Variants in MTOR observed in about 807,000 individuals in gnomAD.
The protein encoded by MTOR is serine/threonine-protein kinase mTOR.
A neutral mutation model predicts 319.8 loss-of-function variants in MTOR; 70 were observed. The ratio of observed to expected loss-of-function variants is 0.22; its 90% CI spans 0.18 to 0.27. The LOEUF is 0.27. MTOR is among the 10% of genes least tolerant of loss of function. The pLI is 1.00. For synonymous variants in MTOR, 1,183 were observed against 1,211.4 expected (o/e 0.98, Z 0.49); for missense variants, 1,890 against 3,274.4 (o/e 0.58, Z 10.32).
intron 6 of MTOR, among the ~76,000 whole-genome samples, chr1:11,252,882 C>A (rs905622414): frequency 6.6e-6 from 1 of 152,336 alleles, no homozygotes; most frequent in African/African-American, 2.4e-5. Context: ...GTAATAGCTT[C>A]GTCTGGCAGC....
rs1553171141 is a variant in MTOR at position 11,114,380 on chromosome 1, C to T, written c.7238G>A (p.Ser2413Asn). Reference sequence around the variant, plus strand: ...AAAGGCTTCCAGCACGGCCATGACACTGTCCTTGTGCTCTCGCAGCACCTC... The same window carrying T: ...AAAGGCTTCCAGCACGGCCATGACATTGTCCTTGTGCTCTCGCAGCACCTC... ...VMEVLREHKD[S>N]VMAVLEAFVY... Residue 2413 changes from serine (S) to asparagine (N), a missense_variant, in exon 53 of 58, where the codon AGT (serine) becomes AAT (asparagine). Physicochemically the swap from Ser to Asn is conservative, Grantham distance 46 (BLOSUM62 1). This residue lies in a region of MTOR where 23 missense variants were observed against 81.7 expected (regional missense o/e 0.28). Transcript: ENST00000361445. The T allele has an allele frequency of 6.2e-7, 1 of 1,614,192 alleles. No individual in the cohort carries two copies. The highest frequency in any genetic ancestry group is 8.5e-7 in the Non-Finnish European group (1 of 1,180,026).
chr1:11,197,230 C>T (rs534777565), intron 28 of MTOR, among the ~76,000 whole-genome samples: 1 of 152,262 alleles, frequency 6.6e-6, no homozygotes, highest in South Asian at 2.1e-4. Flanking sequence ...TGGGAAAAGA[C>T]CCCTGAGAAG....
At chr1:11,196,310 G>A (rs1645781722) in intron 28 of MTOR, among the ~76,000 whole-genome samples, 1 of 152,160 alleles carries the variant, frequency 6.6e-6, no homozygotes, top group Non-Finnish European at 1.5e-5. Context: ...TGGTGTGTGT[G>A]CGCTTTCTAA....
rs2100901511 is a variant in MTOR at position 11,238,538 on chromosome 1, A to C, written c.1866T>G (p.Ala622=). The C allele has an allele frequency of 6.2e-7, 1 of 1,614,222 alleles. No individual in the cohort carries two copies. The highest frequency in any genetic ancestry group is 1.3e-5 in the African/African-American group (1 of 75,064). Residue 622 remains alanine (A), a synonymous_variant, in exon 12 of 58, where the codon GCT becomes GCG. Coordinates refer to ENST00000361445, the MANE Select transcript of MTOR (RefSeq NM_004958.4). ...TGAGCAGGCGGGAGCAGGTGCGGGC[A>C]GCCTCCATGCGGATCTCCTTGTGCT... ...NSEHKEIRME[A]ARTCSRLLTP... is the part of the protein sequence containing the mutation.
intron 29 of MTOR, among the ~76,000 whole-genome samples, chr1:11,161,916 G>C (rs149156753): frequency 0.019 from 2,874 of 152,268 alleles, 93 homozygotes; most frequent in Admixed American, 0.068. Flanking sequence ...TGCCAGCAAC[G>C]GAACAAAGCT....
chr1:11,150,059 C>T, intron 31 of MTOR, 67 bp downstream of exon 31: 1 of 1,438,698 alleles, frequency 7.0e-7, no homozygotes, highest in Middle Eastern at 2.4e-4. Flanking sequence ...GCACCTTACT[C>T]TTCTGATGCG....
chr1:11,145,635 C>T (rs1293474556), intron 32 of MTOR, among the ~76,000 whole-genome samples: 1 of 151,658 alleles, frequency 6.6e-6, no homozygotes, highest in African/African-American at 2.4e-5. Flanking sequence ...AGCTGGGATG[C>T]TGGGGTTACA....
rs1192975604 is a variant in MTOR at position 11,130,644 on chromosome 1, G to A, written c.5498C>T (p.Thr1833Ile). ...ANITNATTAA[T>I]TAATATTTAS... Reference sequence around the variant, plus strand: ...AGTGGTGGTGGCAGTGGCGGCCGTGGTGGCGGCAGTGGTGGCGTTGGTGAT... The same window carrying A: ...AGTGGTGGTGGCAGTGGCGGCCGTGATGGCGGCAGTGGTGGCGTTGGTGAT... Residue 1833 changes from threonine (T) to isoleucine (I), a missense_variant, in exon 39 of 58, where the codon ACC (threonine) becomes ATC (isoleucine). Transcript: ENST00000361445. 1.2e-6 allele frequency: 2 copies of A among 1,611,568 alleles called. No homozygotes were observed. The highest frequency in any genetic ancestry group is 2.7e-5 in the African/African-American group (2 of 74,892).
intron 3 of MTOR, among the ~76,000 whole-genome samples, chr1:11,257,457 GGA>G (rs1650555619): frequency 6.6e-6 from 1 of 150,742 alleles, no homozygotes. Context: ...CAGCTACTTG[GGA>G]GGCTGAGGCA....
At chr1:11,146,265 T>C (rs1643925725) in intron 32 of MTOR, among the ~76,000 whole-genome samples, 1 of 152,238 alleles carries the variant, frequency 6.6e-6, no homozygotes, top group Non-Finnish European at 1.5e-5. Context: ...TGCAAGTAAG[T>C]ACTAGCTTCC....
At chr1:11,235,801 G>A (rs1455135035) in intron 13 of MTOR, among the ~76,000 whole-genome samples, 2 of 152,028 alleles carry the variant, frequency 1.3e-5, no homozygotes, top group East Asian at 1.9e-4. Flanking sequence ...GGCCAACATG[G>A]AGAAACTCCA....
chr1:11,196,477 A>C (rs574952040), intron 28 of MTOR, among the ~76,000 whole-genome samples: 1 of 152,364 alleles, frequency 6.6e-6, no homozygotes, highest in African/African-American at 2.4e-5. Flanking sequence ...AGGTTAAAAA[A>C]GTCAATAGGT....
intron 16 of MTOR, 97 bp from the exon 17 acceptor site, chr1:11,231,531 G>C (rs865983880): frequency 1.0e-5 from 15 of 1,439,374 alleles, no homozygotes; most frequent in Middle Eastern, 1.8e-4. Flanking sequence ...AGTGTTAGAG[G>C]CTGTAAGAAG....
intron 30 of MTOR, among the ~76,000 whole-genome samples, chr1:11,155,799 G>A (rs1277010706): frequency 6.6e-6 from 1 of 152,084 alleles, no homozygotes; most frequent in African/African-American, 2.4e-5. Context: ...GGGAAGGCAG[G>A]GGCTGTAACT....
intron 47 of MTOR, among the ~76,000 whole-genome samples, chr1:11,122,609 G>A (rs184036204): frequency 3.3e-4 from 49 of 150,180 alleles, no homozygotes; most frequent in Non-Finnish European, 4.3e-4. Flanking sequence ...CTGGGTTCAC[G>A]CGATTCTCCT....
intron 5 of MTOR, 103 bp downstream of exon 5, chr1:11,255,889 G>T: frequency 3.0e-6 from 3 of 999,338 alleles, no homozygotes; most frequent in Non-Finnish European, 4.3e-6. Context: ...AAACCAAAAC[G>T]TGATTCTTGC....
chr1:11,247,991 G>C lies in MTOR; in HGVS notation c.944C>G (p.Pro315Arg), dbSNP rs747130357. The C allele has an allele frequency of 1.2e-6, 2 of 1,614,162 alleles. No homozygotes were observed. The highest frequency in any genetic ancestry group is 1.7e-6 in the Non-Finnish European group (2 of 1,180,030). ...CTGTACAGCCTGGAAACTGGTGAAG[G>C]GGGTAATGTGACGAGGTTTTGTTCC... The part of the protein sequence containing the change: ...GFGTKPRHIT[P>R]FTSFQAVQPQ... Residue 315 changes from proline to arginine, a missense_variant, in exon 7 of 58, where the codon CCC (proline) becomes CGC (arginine). Around this residue, in one of 15 missense-constraint regions of MTOR, gnomAD observed 418 missense variants for 543.1 expected, o/e 0.77. Transcript: ENST00000361445.
At chr1:11,150,087 AC>A (rs745393654) in intron 31 of MTOR, 38 bp downstream of exon 31, 15 of 1,577,576 alleles carry the variant, frequency 9.5e-6, no homozygotes, top group Middle Eastern at 2.0e-4. Context: ...AGCCTCACTC[AC>A]CCCATCCTTC....
rs953074241 is a variant in MTOR at position 11,128,222 on chromosome 1, G to A, written c.5911-96C>T. ...GAGAATAACAAAACAAGTGGTGAGT[G>A]TGACATTAACATCTGCTTGAGACTA... is the stretch of plus-strand genomic sequence containing the variant. On this transcript the variant is annotated intron_variant, in intron 42 of 57. Transcript: ENST00000361445. This position sits in a 1 kb window ranked among gnomAD's most constrained non-coding sequence, Gnocchi z 5.3. The A allele has an allele frequency of 2.4e-5, 37 of 1,521,034 alleles. No individual in the cohort carries two copies. Among genetic ancestry groups the A allele is most frequent in the Non-Finnish European group, 3.0e-5 (34 of 1,116,446 alleles). The allele number at this position is 1,521,034 out of a possible 1,614,324, so 94.2% of individuals were successfully genotyped here.
Sources: gnomAD v4.1 joint callset for allele counts (sites outside exome capture counted in the v4.1 genomes callset) on GRCh38, gnomAD v4.1.1 for gene constraint, gnomAD v4.1.1 regional missense constraint, Gnocchi (gnomAD v3.1) non-coding constraint, MANE v1.5 for transcripts, NCBI Gene and HGNC (gene_info 2026-07-23, HGNC 2026-07-21) for gene names.